Variants in PCDH15 observed in about 807,000 individuals in gnomAD.
PCDH15 encodes the protein protocadherin-15.
PCDH15 carries 129 observed loss-of-function variants against 178.5 expected under a neutral mutation model. The ratio of observed to expected loss-of-function variants is 0.72; its 90% CI spans 0.63 to 0.84. PCDH15 has a LOEUF of 0.84. Among genes scored for constraint, PCDH15 ranks in the 40% least tolerant of loss-of-function variants. PCDH15 has a pLI of 0.00. For synonymous variants in PCDH15, 800 were observed against 732.0 expected (o/e 1.09, Z -1.50); for missense variants, 2,230 against 2,099.9 (o/e 1.06, Z -1.21).
intron 2 of PCDH15, among the ~76,000 whole-genome samples, chr10:55,550,837 A>T (rs1287789643): frequency 1.3e-5 from 2 of 152,124 alleles, no homozygotes; most frequent in Admixed American, 1.3e-4. Context: ...AAACATTTCA[A>T]GAACAATTGC....
At chr10:55,170,422 TA>T (rs1839302477) in intron 1 of PCDH15, among the ~76,000 whole-genome samples, 1 of 152,122 alleles carries the variant, frequency 6.6e-6, no homozygotes, top group South Asian at 2.1e-4. Flanking sequence ...GTGCTATGAT[TA>T]CAGGAATGAG....
intron 1 of PCDH15, among the ~76,000 whole-genome samples, chr10:55,202,180 G>C (rs1306981237): frequency 6.6e-6 from 1 of 152,058 alleles, no homozygotes; most frequent in Non-Finnish European, 1.5e-5. Context: ...ATTACCAGGG[G>C]CTGCTGTGGC....
At chr10:53,879,372 A>G (rs2080522907) in intron 26 of PCDH15, among the ~76,000 whole-genome samples, 1 of 152,194 alleles carries the variant, frequency 6.6e-6, no homozygotes, top group Non-Finnish European at 1.5e-5. Flanking sequence ...ATTTATAATG[A>G]TACAGATATA....
intron 18 of PCDH15, among the ~76,000 whole-genome samples, chr10:54,053,067 C>T (rs545850227): frequency 6.6e-6 from 1 of 152,192 alleles, no homozygotes; most frequent in South Asian, 2.1e-4. Flanking sequence ...TTATAAATTC[C>T]CCAGTCTAAG....
Position 53,980,674 on chromosome 10 carries a change from C to A in PCDH15, c.2868+14975G>T, listed in dbSNP as rs1242597980. Reference sequence around the variant, plus strand: ...CAAACAATAATCCAGCAAAATAGTTCTTCTTATTCCTATATGATTACAAGG... The same window carrying A: ...CAAACAATAATCCAGCAAAATAGTTATTCTTATTCCTATATGATTACAAGG... On this transcript the variant is annotated intron_variant, in intron 21 of 37. Coordinates refer to ENST00000644397, the MANE Select transcript of PCDH15 (RefSeq NM_001384140.1). Among the ~76,000 whole-genome samples, 3 of 152,260 alleles carry A rather than the reference C, an allele frequency of 2.0e-5. No individual in the cohort carries two copies. In the East Asian group the frequency reaches 5.8e-4, roughly 29 times the overall value.
intron 15 of PCDH15, among the ~76,000 whole-genome samples, chr10:54,120,988 A>G (rs376353062): frequency 9.9e-5 from 15 of 152,116 alleles, no homozygotes; most frequent in African/African-American, 3.1e-4. Flanking sequence ...CAGAATATAC[A>G]TTCTTCTCAA....
rs1036945126 is a variant in PCDH15, at chr10:55,504,479, A to T, written c.-156+123146T>A. Among the ~76,000 whole-genome samples, 4 of 151,454 alleles carry T rather than the reference A, an allele frequency of 2.6e-5. No individual in the cohort carries two copies. In the Admixed American group the frequency reaches 2.6e-4, roughly 10 times the overall value. On this transcript the variant is annotated intron_variant, in intron 2 of 5. Coordinates refer to the PCDH15 transcript ENST00000613346. ...TTTGGTAAAGTGTTTAAAATAAAAA[A>T]TTCTAAAGTTAAGACATTTAGGTTT...
chr10:55,468,263 GAC>G (rs1839881717), intron 2 of PCDH15: 1 of 152,078 alleles, frequency 6.6e-6, no homozygotes, highest in South Asian at 2.1e-4. Flanking sequence ...TCTGCCTAGT[GAC>G]TTTTCGTTGT....
chr10:54,890,451 C>T (rs1312748679), intron 3 of PCDH15, among the ~76,000 whole-genome samples: 4 of 151,738 alleles, frequency 2.6e-5, no homozygotes, highest in Non-Finnish European at 4.4e-5. Flanking sequence ...ATAACTGTGC[C>T]GTAGTGCTTA....
At chr10:54,509,218 C>T (rs10825339) in intron 3 of PCDH15, among the ~76,000 whole-genome samples, 13,820 of 151,948 alleles carry the variant, frequency 0.091, 947 homozygotes, top group East Asian at 0.34. Flanking sequence ...TTGTAGCTCC[C>T]ATAATTTCCA....
chr10:54,574,603 C>A (rs1221752440), intron 2 of PCDH15, among the ~76,000 whole-genome samples: 1 of 138,436 alleles, frequency 7.2e-6, no homozygotes, highest in East Asian at 2.2e-4. Context: ...CAATGAGATA[C>A]CATCTCACAC....
intron 1 of PCDH15, among the ~76,000 whole-genome samples, chr10:54,747,564 A>G (rs1308022217): frequency 6.6e-6 from 1 of 152,200 alleles, no homozygotes; most frequent in African/African-American, 2.4e-5. Flanking sequence ...TAGTTAATCA[A>G]ATTGTACCAG....
chr10:55,555,234 A>G (rs1303801781), intron 2 of PCDH15, among the ~76,000 whole-genome samples: 1 of 152,112 alleles, frequency 6.6e-6, no homozygotes, highest in East Asian at 1.9e-4. Flanking sequence ...TGATTAAAAA[A>G]GATAGATCAG....
At chr10:55,207,204 C>G (rs948227265) in intron 1 of PCDH15, among the ~76,000 whole-genome samples, 4 of 152,004 alleles carry the variant, frequency 2.6e-5, no homozygotes, top group African/African-American at 9.7e-5. Flanking sequence ...TTTGCTTAAT[C>G]ATTTTTTGAT....
intron 1 of PCDH15, among the ~76,000 whole-genome samples, chr10:55,282,909 A>T (rs1207791787): frequency 6.6e-6 from 1 of 152,178 alleles, no homozygotes; most frequent in Non-Finnish European, 1.5e-5. Flanking sequence ...GTTCTTGTTC[A>T]TTCCTGGGTT....
chr10:54,067,956 ATTTTTTTTATTTTTTAT>A (rs1437154044), intron 17 of PCDH15, among the ~76,000 whole-genome samples: 2 of 151,236 alleles, frequency 1.3e-5, no homozygotes, highest in African/African-American at 2.4e-5. Context: ...GAGTCAAGTG[ATTTTTTTTATTTTTTAT>A]TTTTTTTTAT....
intron 11 of PCDH15, among the ~76,000 whole-genome samples, chr10:54,191,905 A>T (rs2049035486): frequency 6.6e-6 from 1 of 150,868 alleles, no homozygotes; most frequent in African/African-American, 2.4e-5. Context: ...TGGGTGACAG[A>T]GAGAAACTCT....
chr10:55,588,551 A>C (rs995400689), intron 2 of PCDH15, among the ~76,000 whole-genome samples: 2 of 152,146 alleles, frequency 1.3e-5, no homozygotes, highest in African/African-American at 4.8e-5. Context: ...TTTAATGTCA[A>C]TTCATAATTT....
chr10:55,075,773 G>A (rs1025974347), intron 2 of PCDH15, among the ~76,000 whole-genome samples: 5 of 148,724 alleles, frequency 3.4e-5, no homozygotes, highest in Admixed American at 6.7e-5. Context: ...CTTTTCTTTT[G>A]CTAACTTTGG....
Sources: allele counts gnomAD v4.1 joint callset (sites outside exome capture counted in the v4.1 genomes callset), GRCh38; gene constraint gnomAD v4.1.1; transcripts MANE v1.5; gene names NCBI Gene and HGNC (gene_info 2026-07-23, HGNC 2026-07-21).